Variants in ZSCAN18 observed in about 807,000 individuals in gnomAD.
The protein encoded by ZSCAN18 is zinc finger and SCAN domain containing 18, also known as zinc finger and SCAN domain-containing protein 18.
A neutral mutation model predicts 31.1 loss-of-function variants in ZSCAN18; 16 were observed. That is an observed-to-expected ratio of 0.51 (90% CI 0.35 to 0.78). ZSCAN18 has a LOEUF of 0.78. ZSCAN18 is among the 30% of genes least tolerant of loss of function. The pLI is 0.01. For synonymous variants in ZSCAN18, 375 were observed against 320.7 expected (o/e 1.17, Z -1.81); for missense variants, 731 against 697.4 (o/e 1.05, Z -0.54).
intron 1 of ZSCAN18, chr19:58,109,114 G>A (rs1042685843): frequency 9.0e-6 from 11 of 1,227,676 alleles, no homozygotes; most frequent in Admixed American, 8.5e-5. Flanking sequence ...GTGTGTGGAT[G>A]CTGTTTGCCT....
In ZSCAN18 at chr19:58,090,441, C is replaced by G. The variant is rs1214885360; in HGVS notation, c.-119-55G>C. The G allele has an allele frequency of 2.8e-6, 4 of 1,434,876 alleles. No individual in the cohort carries two copies. The African/African-American group carries it at 5.8e-5, about 21-fold the overall frequency. 88.9% of individuals were successfully genotyped at this position (1,434,876 alleles called of 1,614,324 possible). ...TTGCATAAGGCCAGGGCGCAGCCAC[C>G]CCAGCTGCCAGAGAACAAAGACACC... On this transcript the variant is annotated intron_variant, in intron 1 of 6. Coordinates refer to ENST00000601144, the MANE Select transcript of ZSCAN18 (RefSeq NM_001145543.2). The surrounding 1 kb of genome is among the most constrained non-coding windows in gnomAD (Gnocchi z 4.7).
intron 1 of ZSCAN18, among the ~76,000 whole-genome samples, chr19:58,097,237 T>A (rs73941507): frequency 0.029 from 4,428 of 150,574 alleles, 225 homozygotes; most frequent in African/African-American, 0.1. Flanking sequence ...GGAGGGAAGG[T>A]AGCAGGGAGA....
chr19:58,107,374 T>G (rs972319694), intron 1 of ZSCAN18, among the ~76,000 whole-genome samples: 2 of 150,788 alleles, frequency 1.3e-5, no homozygotes, highest in African/African-American at 4.8e-5. Flanking sequence ...CTGACCAACA[T>G]GGTGAAACCC....
chr19:58,089,734 C>G lies in ZSCAN18; in HGVS notation c.403+131G>C, dbSNP rs1039434528. On this transcript the variant is annotated intron_variant, in intron 2 of 6. Coordinates refer to ENST00000601144, the MANE Select transcript of ZSCAN18 (RefSeq NM_001145543.2). ...AGGAGCCCAGGCATCTGTCCTGGCC[C>G]GAGGACCAAGGAGCTGCCTCAGCAG... 9 of 1,167,346 alleles carry G rather than the reference C, an allele frequency of 7.7e-6. No homozygotes were observed. The Admixed American group carries it at 1.1e-4, about 14-fold the overall frequency. The allele number at this position is 1,167,346 out of a possible 1,614,324, so 72.3% of individuals were successfully genotyped here. A position where few individuals can be genotyped will look rare whatever the true frequency, so the allele number is the denominator to read the frequency against.
At chr19:58,107,620 A>AT in intron 1 of ZSCAN18, 3 of 977,732 alleles carry the variant, frequency 3.1e-6, no homozygotes, top group Non-Finnish European at 3.6e-6. Context: ...GTCATCCAGG[A>AT]TTTTTTCTTC....
At chr19:58,094,563 T>A (rs2145998864) in intron 1 of ZSCAN18, among the ~76,000 whole-genome samples, 1 of 152,224 alleles carries the variant, frequency 6.6e-6, no homozygotes, top group African/African-American at 2.4e-5. Context: ...AGGTTTGGCA[T>A]GTTCTTATGC....
intron 1 of ZSCAN18, among the ~76,000 whole-genome samples, chr19:58,113,702 G>A (rs1357229177): frequency 6.6e-6 from 1 of 152,178 alleles, no homozygotes; most frequent in Non-Finnish European, 1.5e-5. Flanking sequence ...ATAATGGCTG[G>A]ACGCAGTGGC....
Position 58,090,116 on chromosome 19 carries a change from C to T in ZSCAN18, c.152G>A (p.Arg51His), listed in dbSNP as rs781648681. The change falls in exon 2 of 7, where the codon CGT becomes CAT. Residue 51 changes from arginine to histidine, a missense_variant. Transcript: ENST00000601144. This position sits in a 1 kb window ranked among gnomAD's most constrained non-coding sequence, Gnocchi z 4.7. ...TPADLEFSRL[R>H]FREFVYQEAA... is the part of the protein sequence containing the mutation. ...CTCCTGGTAGACAAATTCCCGGAAA[C>T]GCAGGCGGGAGAACTCCAGGTCAGC... 2.5e-6 allele frequency: 4 copies of T among 1,613,788 alleles called. No homozygotes were observed. The highest frequency in any genetic ancestry group is 3.4e-6 in the Non-Finnish European group (4 of 1,179,888).
At chr19:58,110,838 C>T (rs2074676721) in intron 1 of ZSCAN18, among the ~76,000 whole-genome samples, 1 of 152,150 alleles carries the variant, frequency 6.6e-6, no homozygotes, top group Admixed American at 6.5e-5. Flanking sequence ...TGTGTATGCA[C>T]ACTCCATGTG....
chr19:58,088,952 G>A, intron 2 of ZSCAN18, 115 bp from the exon 3 acceptor site: 1 of 966,792 alleles, frequency 1.0e-6, no homozygotes, highest in Admixed American at 2.7e-5. Context: ...TACCCATCCT[G>A]CACCTCATCT....
At chr19:58,091,217 G>A (rs879722197) in intron 1 of ZSCAN18, among the ~76,000 whole-genome samples, 6 of 147,884 alleles carry the variant, frequency 4.1e-5, no homozygotes, top group Admixed American at 2.7e-4. Context: ...GCAGTAAGCC[G>A]AGACTGCGTC....
chr19:58,103,977 C>G (rs1333009831), intron 1 of ZSCAN18, among the ~76,000 whole-genome samples: 1 of 152,212 alleles, frequency 6.6e-6, no homozygotes, highest in East Asian at 1.9e-4. Flanking sequence ...GGAGATCAAA[C>G]TACCCAAAGA....
chr19:58,117,182 AAG>A (rs1438384679), intron 1 of ZSCAN18, among the ~76,000 whole-genome samples: 4 of 152,200 alleles, frequency 2.6e-5, no homozygotes, highest in African/African-American at 9.6e-5. Context: ...GATTGGGGAA[AAG>A]AGAAATATCC....
In ZSCAN18 at chr19:58,088,721, C is replaced by T; in HGVS notation, c.520G>A (p.Gly174Arg). Residue 174 changes from glycine to arginine, a missense_variant, in exon 3 of 7, where the codon GGA becomes AGA. Around this residue, in one of 4 missense-constraint regions of ZSCAN18, gnomAD observed 597 missense variants for 499.5 expected, o/e 1.20. Transcript: ENST00000601144. ...GAAGGTGCCGGGATCTCCCCAGCTCCAAGGGCCTGGCTGGGGCTCGCGAGC... is the reference window on the plus strand; with the variant it reads ...GAAGGTGCCGGGATCTCCCCAGCTCTAAGGGCCTGGCTGGGGCTCGCGAGC... ...GELASPSQAL[G>R]AGEIPAPSET... The T allele has an allele frequency of 6.2e-7, 1 of 1,611,690 alleles. No individual in the cohort carries two copies. Among genetic ancestry groups the T allele is most frequent in the Non-Finnish European group, 8.5e-7 (1 of 1,180,012 alleles).
At chr19:58,112,512 G>A (rs949996683) in intron 1 of ZSCAN18, among the ~76,000 whole-genome samples, 3 of 151,968 alleles carry the variant, frequency 2.0e-5, no homozygotes, top group African/African-American at 4.8e-5. Context: ...TTAGCTGGGC[G>A]TGCTGGCAGG....
chr19:58,093,455 G>C (rs150223930), intron 1 of ZSCAN18: 21 of 152,204 alleles, frequency 1.4e-4, no homozygotes, highest in African/African-American at 5.1e-4. Context: ...ACAACCTCAC[G>C]ACCGTCACCT....
chr19:58,106,189 C>G (rs2146022141), intron 1 of ZSCAN18, among the ~76,000 whole-genome samples: 1 of 152,136 alleles, frequency 6.6e-6, no homozygotes, highest in Middle Eastern at 3.4e-3. Flanking sequence ...ATCACTTCGG[C>G]ACAGGAGTTC....
rs529737930 is a variant in ZSCAN18, at chr19:58,103,891, T to A, written c.131-13505A>T. On this transcript the variant is annotated intron_variant, in intron 1 of 1. Coordinates refer to the ZSCAN18 transcript ENST00000595721. Reference sequence around the variant, plus strand: ...ACTTGAGGGAAATGAAAAGTGTGACTCCAGTGAATATGTGAATGACAAGAA... The same window carrying A: ...ACTTGAGGGAAATGAAAAGTGTGACACCAGTGAATATGTGAATGACAAGAA... 4.6e-5 allele frequency among the ~76,000 whole-genome samples: 7 copies of A among 152,258 alleles called. No homozygotes were observed. In the South Asian group the frequency reaches 1.5e-3, roughly 32 times the overall value.
intron 1 of ZSCAN18, among the ~76,000 whole-genome samples, chr19:58,096,094 C>T (rs530166610): frequency 6.6e-6 from 1 of 152,258 alleles, no homozygotes; most frequent in East Asian, 1.9e-4. Context: ...GGGGCAGGTG[C>T]GGCAGCGTAC....
Sources: gnomAD v4.1 joint callset for allele counts (sites outside exome capture counted in the v4.1 genomes callset) on GRCh38, gnomAD v4.1.1 for gene constraint, gnomAD v4.1.1 regional missense constraint, Gnocchi (gnomAD v3.1) non-coding constraint, MANE v1.5 for transcripts, NCBI Gene and HGNC (gene_info 2026-07-23, HGNC 2026-07-21) for gene names.